GABPA: variants seen among roughly 807,000 people sequenced by gnomAD.
The protein encoded by GABPA is GA binding protein transcription factor subunit alpha, also known as GA-binding protein alpha chain.
GABPA carries 4 observed loss-of-function variants against 59.4 expected under a neutral mutation model. The observed-to-expected ratio is 0.07, with a 90% CI of 0.03 to 0.15. GABPA has a LOEUF of 0.15. Ranked by LOEUF, GABPA falls within the 10% of genes least tolerant of loss-of-function variation. The pLI, the probability that GABPA is intolerant of heterozygous loss-of-function variation, is 1.00. For missense variants in GABPA, 251 were observed against 543.8 expected, an observed-to-expected ratio of 0.46 and a Z score of 5.36; for synonymous variants, 164 against 183.1, an observed-to-expected ratio of 0.90 and a Z score of 0.84.
At chr21:25,755,173 G>A (rs1425119836) in intron 5 of GABPA, among the ~76,000 whole-genome samples, 1 of 152,034 alleles carries the variant, frequency 6.6e-6, no homozygotes, top group Admixed American at 6.6e-5. Flanking sequence ...TTCAGGCCAG[G>A]TGTGTTGGCT....
rs71651650 is a variant in GABPA, at chr21:25,767,464, A to C, written c.1137-1540A>C. ...GGCAACAAGTGGAATAAATGCTACT[A>C]TATACAGTTGTGTGATGCATCTACT... On this transcript the variant is annotated intron_variant, in intron 9 of 9. Transcript: ENST00000400075. Among the ~76,000 whole-genome samples the C allele has an allele frequency of 1.7e-3, 256 of 152,098 alleles. 3 individuals are homozygous for C. In the East Asian group the frequency reaches 0.046, roughly 27 times the overall value.
chr21:25,751,917 T>A lies in GABPA; in HGVS notation c.308-72T>A, dbSNP rs538070178. On this transcript the variant is annotated intron_variant, in intron 4 of 9. Coordinates refer to ENST00000400075, the MANE Select transcript of GABPA (RefSeq NM_002040.4). Reference sequence around the variant, plus strand: ...TTTTTCTCTACCATTTGGGAACATATAAACTAAATTATTTTTTGGTGACTT... The same window carrying A: ...TTTTTCTCTACCATTTGGGAACATAAAAACTAAATTATTTTTTGGTGACTT... 100 of 1,497,650 alleles carry A rather than the reference T, an allele frequency of 6.7e-5. No individual in the cohort carries two copies. In the African/African-American group the frequency reaches 1.3e-3, roughly 19 times the overall value. The allele number at this position is 1,497,650 out of a possible 1,614,324, so 92.8% of individuals were successfully genotyped here. A position where few individuals can be genotyped will look rare whatever the true frequency, so the allele number is the denominator to read the frequency against.
chr21:25,748,698 A>G (rs2035431092), intron 3 of GABPA, among the ~76,000 whole-genome samples: 1 of 152,224 alleles, frequency 6.6e-6, no homozygotes. Flanking sequence ...TTACTTATTC[A>G]TGACAGATAT....
chr21:25,752,411 G>A (rs548413161), intron 5 of GABPA, 177 bp downstream of exon 5: 18 of 698,510 alleles, frequency 2.6e-5, no homozygotes, highest in African/African-American at 2.2e-4. Context: ...GACAAATTCT[G>A]TCCTGCGTGC....
intron 9 of GABPA, 61 bp downstream of exon 9, chr21:25,764,848 C>A (rs1340388289): frequency 4.0e-6 from 5 of 1,257,436 alleles, no homozygotes; most frequent in Admixed American, 5.7e-5. Flanking sequence ...AAAATAGTTT[C>A]TTATTCTAGA....
At chr21:25,756,696 C>T (rs2035645740) in intron 5 of GABPA, among the ~76,000 whole-genome samples, 1 of 152,150 alleles carries the variant, frequency 6.6e-6, no homozygotes, top group South Asian at 2.1e-4. Flanking sequence ...CCATGGAGGT[C>T]TTATAGCTGT....
chr21:25,750,209 A>G (rs2035474446), intron 4 of GABPA, among the ~76,000 whole-genome samples: 1 of 152,192 alleles, frequency 6.6e-6, no homozygotes, highest in South Asian at 2.1e-4. Context: ...ATTTAATGCT[A>G]CCACTGATCT....
chr21:25,735,959 T>C (rs2123475232), intron 1 of GABPA, among the ~76,000 whole-genome samples: 1 of 152,276 alleles, frequency 6.6e-6, no homozygotes, highest in East Asian at 1.9e-4. Flanking sequence ...CCCCGAGATT[T>C]TAAGAGCAAA....
rs1331257382 is a variant in GABPA at position 25,764,268 on chromosome 21, A to C, written c.861A>C (p.Ile287=). The part of the protein sequence containing the change: ...QSATPTTIKV[I]NSSAKAAKVQ... Reference sequence around the variant, plus strand: ...CTACACCTACTACCATTAAAGTTATAAATAGTAGTGCGAAAGCAGCCAAAG... The same window carrying C: ...CTACACCTACTACCATTAAAGTTATCAATAGTAGTGCGAAAGCAGCCAAAG... Residue 287 remains isoleucine (I), a synonymous_variant, in exon 8 of 10, where the codon ATA becomes ATC. Coordinates refer to ENST00000400075, the MANE Select transcript of GABPA (RefSeq NM_002040.4). The C allele has an allele frequency of 6.2e-7, 1 of 1,611,838 alleles. No homozygotes were observed. The highest frequency in any genetic ancestry group is 8.5e-7 in the Non-Finnish European group (1 of 1,178,688).
chr21:25,755,009 C>T (rs991447456), intron 5 of GABPA, among the ~76,000 whole-genome samples: 1 of 152,024 alleles, frequency 6.6e-6, no homozygotes, highest in African/African-American at 2.4e-5. Context: ...CGAAATTGCA[C>T]CAGTGCACTC....
At position 25,749,060 on chromosome 21, in the gene GABPA, G is replaced by T; in HGVS notation, c.247G>T (p.Asp83Tyr). Reference sequence around the variant, plus strand: ...GCTGGATCCAGAACGAAGTTTATTTGACCAAGGAGTAAAAACAGATGGAAC... The same window carrying T: ...GCTGGATCCAGAACGAAGTTTATTTTACCAAGGAGTAAAAACAGATGGAAC... ...IQLDPERSLF[D>Y]QGVKTDGTVQ... The change falls in exon 4 of 10, where the codon GAC becomes TAC. Residue 83 changes from aspartate (D) to tyrosine (Y), a missense_variant. Coordinates refer to ENST00000400075, the MANE Select transcript of GABPA (RefSeq NM_002040.4). 6.2e-7 allele frequency: 1 copy of T among 1,608,238 alleles called. No homozygotes were observed. The highest frequency in any genetic ancestry group is 1.1e-5 in the South Asian group (1 of 90,890).
At chr21:25,754,773 C>G (rs1427547344) in intron 5 of GABPA, among the ~76,000 whole-genome samples, 1 of 152,112 alleles carries the variant, frequency 6.6e-6, no homozygotes, top group African/African-American at 2.4e-5. Context: ...CACTTTAGGC[C>G]AGGCACAGTG....
At chr21:25,743,492 A>G (rs2035278318) in intron 2 of GABPA, among the ~76,000 whole-genome samples, 2 of 152,016 alleles carry the variant, frequency 1.3e-5, no homozygotes, top group African/African-American at 4.8e-5. Flanking sequence ...GGTAATTAAT[A>G]TGTATGACCT....
chr21:25,763,048 G>A (rs1302745863), intron 7 of GABPA: 3 of 370,526 alleles, frequency 8.1e-6, no homozygotes, highest in Non-Finnish European at 1.6e-5. Context: ...ATCTATATTG[G>A]GTACTGTACT....
intron 9 of GABPA, among the ~76,000 whole-genome samples, chr21:25,766,785 T>A (rs2035900270): frequency 6.6e-6 from 1 of 151,958 alleles, no homozygotes; most frequent in South Asian, 2.1e-4. Flanking sequence ...AGCAACTGTT[T>A]CATACACATC....
chr21:25,763,042 A>C, intron 7 of GABPA: 1 of 371,874 alleles, frequency 2.7e-6, no homozygotes, highest in Non-Finnish European at 5.2e-6. Context: ...TGATTCATCT[A>C]TATTGGGTAC....
At chr21:25,768,793 GT>G (rs948738667) in intron 9 of GABPA, among the ~76,000 whole-genome samples, 4 of 152,094 alleles carry the variant, frequency 2.6e-5, no homozygotes, top group African/African-American at 9.7e-5. Context: ...AATGTATAGA[GT>G]TTTGGAGTAG....
At chr21:25,763,189 G>A in intron 7 of GABPA, 1 of 518,838 alleles carries the variant, frequency 1.9e-6, no homozygotes, top group Non-Finnish European at 3.8e-6. Context: ...TACCACCACA[G>A]TTGCTGTCTC....
chr21:25,745,214 G>T lies in GABPA; in HGVS notation c.82G>T (p.Val28Leu), dbSNP rs1009555151. The change falls in exon 3 of 10, where the codon GTA (valine) becomes TTA (leucine). Residue 28 changes from valine (V) to leucine (L), a missense_variant. Around this residue, in one of 4 missense-constraint regions of GABPA, gnomAD observed 207 missense variants for 366.7 expected, o/e 0.56. Transcript: ENST00000400075. Reference sequence around the variant, plus strand: ...ACTTACATCTTTAACATTTAGCATTGTAGAACAAACCTACGCGCCAGCTGA... The same window carrying T: ...ACTTACATCTTTAACATTTAGCATTTTAGAACAAACCTACGCGCCAGCTGA... ...EKAECTEESI[V>L]EQTYAPAECV... The T allele has an allele frequency of 6.2e-7, 1 of 1,612,600 alleles. No homozygotes were observed. Among genetic ancestry groups the T allele is most frequent in the Admixed American group, 1.7e-5 (1 of 59,758 alleles).
Sources: allele counts gnomAD v4.1 joint callset (sites outside exome capture counted in the v4.1 genomes callset), GRCh38; gene constraint gnomAD v4.1.1; regional missense constraint gnomAD v4.1.1; transcripts MANE v1.5; gene names NCBI Gene and HGNC (gene_info 2026-07-23, HGNC 2026-07-21).